The following IQSEC2 variants were observed in gnomAD, a reference collection of about 807,000 sequenced individuals.
IQSEC2 encodes IQ motif and SEC7 domain-containing protein 2.
A neutral mutation model predicts 74.6 loss-of-function variants in IQSEC2; 6 were observed. That is an observed-to-expected ratio of 0.08 (90% CI 0.04 to 0.16). The LOEUF (loss-of-function observed/expected upper bound fraction) is 0.16, where lower values mean the gene tolerates loss of function less well. Ranked by LOEUF, IQSEC2 falls within the 10% of genes least tolerant of loss-of-function variation. The pLI is 1.00. For synonymous variants in IQSEC2, 494 were observed against 544.5 expected, an observed-to-expected ratio of 0.91 and a Z score of 1.29; for missense variants, 734 against 1,306.2, an observed-to-expected ratio of 0.56 and a Z score of 6.75.
At chrX:53,296,877 C>T (rs1177801921) in intron 1 of IQSEC2, among the ~76,000 whole-genome samples, 5 of 111,965 alleles carry the variant, frequency 4.5e-5, no homozygotes, top group Non-Finnish European at 9.4e-5. Flanking sequence ...GCTGTTTTTA[C>T]ACACGACTGT....
chrX:53,246,773 A>C (rs2074314442), intron 8 of IQSEC2, among the ~76,000 whole-genome samples, 196 bp downstream of exon 8: 1 of 111,977 alleles, frequency 8.9e-6, no homozygotes, highest in Non-Finnish European at 1.9e-5. Context: ...GGTACACAGT[A>C]GAAGCTCAGT....
intron 1 of IQSEC2, among the ~76,000 whole-genome samples, chrX:53,319,342 G>A (rs2075406834): frequency 9.0e-6 from 1 of 111,617 alleles, no homozygotes; most frequent in African/African-American, 3.3e-5. Context: ...GAGCTGGAGG[G>A]GTACTTCAAG....
Position 53,253,767 on chromosome X carries a change from G to C in IQSEC2, c.1401+763C>G, listed in dbSNP as rs1023103171. 2.7e-5 allele frequency among the ~76,000 whole-genome samples: 3 copies of C among 111,287 alleles called. No homozygotes were observed. The Admixed American group carries it at 2.9e-4, about 11-fold the overall frequency. On this transcript the variant is annotated intron_variant, in intron 4 of 14. Transcript: ENST00000642864. The stretch of plus-strand genomic sequence containing the variant: ...TTTCCCACTGCCCTGGGATCCTTGA[G>C]GACAAGGACCAATTCCAGGTCCTTA...
chrX:53,253,791 T>C (rs181138958), intron 4 of IQSEC2, among the ~76,000 whole-genome samples: 2 of 111,601 alleles, frequency 1.8e-5, no homozygotes, highest in East Asian at 2.8e-4. Flanking sequence ...TCCAGGTCCT[T>C]AGCCTCAGTC....
Position 53,298,240 on chromosome X carries a change from C to CT in IQSEC2, c.708-6317dup, listed in dbSNP as rs1182891189. 1.2e-3 allele frequency among the ~76,000 whole-genome samples: 126 copies of CT among 103,072 alleles called. 1 individual carries two copies. Among genetic ancestry groups the CT allele is most frequent in the African/African-American group, 3.6e-3 (103 of 28,603 alleles). 89.5% of individuals were successfully genotyped at this position (103,072 alleles called of 115,157 possible). The stretch of plus-strand genomic sequence containing the variant: ...GATTCCGTGGCTTTTTTTTTCCTTT[C>CT]TTTTTTTTTTTAGAGTTTATGCTCA... On this transcript the variant is annotated intron_variant, in intron 1 of 14. Transcript: ENST00000642864.
chrX:53,274,602 C>T (rs1395071336), intron 2 of IQSEC2, among the ~76,000 whole-genome samples: 5 of 107,255 alleles, frequency 4.7e-5, no homozygotes, highest in Non-Finnish European at 9.6e-5. Flanking sequence ...GCTGGGACTA[C>T]ACGCGCCCGC....
chrX:53,257,695 T>C (rs782554722), intron 2 of IQSEC2, among the ~76,000 whole-genome samples: 2 of 112,339 alleles, frequency 1.8e-5, no homozygotes, highest in African/African-American at 6.5e-5. Context: ...CCAAGTCCCT[T>C]ATTCTGGCAT....
At chrX:53,316,841 A>G (rs868994604) in intron 1 of IQSEC2, among the ~76,000 whole-genome samples, 1 of 109,573 alleles carries the variant, frequency 9.1e-6, no homozygotes, top group African/African-American at 3.4e-5. Flanking sequence ...CAAAAAAAAA[A>G]AAAAAAGAAA....
intron 14 of IQSEC2, 54 bp from the exon 15 acceptor site, chrX:53,235,238 C>A (rs1433816129): frequency 1.7e-6 from 2 of 1,155,364 alleles, no homozygotes; most frequent in East Asian, 6.5e-5. Flanking sequence ...AAACCCCCAG[C>A]CCTAAATTCC....
Position 53,258,102 on chromosome X carries a change from C to T in IQSEC2, c.738-2041G>A, listed in dbSNP as rs150911692. ...AAAACTGCTCATACAGTACCTACCACTTGAAATGCAATCCCCATCGTCTCC... is the reference window on the plus strand; with the variant it reads ...AAAACTGCTCATACAGTACCTACCATTTGAAATGCAATCCCCATCGTCTCC... On this transcript the variant is annotated intron_variant, in intron 2 of 14. Transcript: ENST00000642864. 2.4e-3 allele frequency among the ~76,000 whole-genome samples: 268 copies of T among 111,810 alleles called. 5 individuals are homozygous for T. In the East Asian group the frequency reaches 0.065, roughly 27 times the overall value.
chrX:53,292,773 G>A (rs1344721298), intron 1 of IQSEC2, among the ~76,000 whole-genome samples: 2 of 111,683 alleles, frequency 1.8e-5, no homozygotes, highest in East Asian at 2.9e-4. Context: ...GTGCACACAC[G>A]TGTGTACACG....
chrX:53,236,661 C>A (rs2074135476), intron 12 of IQSEC2, among the ~76,000 whole-genome samples, 166 bp from the exon 13 acceptor site: 1 of 110,951 alleles, frequency 9.0e-6, no homozygotes, highest in South Asian at 3.9e-4. Flanking sequence ...CTTGTCTCCC[C>A]CAAAACTGCA....
chrX:53,296,325 G>A (rs1174755822), intron 1 of IQSEC2, among the ~76,000 whole-genome samples: 2 of 110,697 alleles, frequency 1.8e-5, no homozygotes, highest in Admixed American at 9.6e-5. Flanking sequence ...GTGAGCCACC[G>A]CGCCTGGCCC....
chrX:53,268,570 C>T (rs367596192), intron 2 of IQSEC2, among the ~76,000 whole-genome samples: 3 of 111,498 alleles, frequency 2.7e-5, no homozygotes, highest in East Asian at 5.6e-4. Context: ...CCAGGCGAGG[C>T]CCCTGCTTCC....
chrX:53,286,939 CAAAAAAAA>C (rs11464309), intron 2 of IQSEC2, among the ~76,000 whole-genome samples: 5 of 58,479 alleles, frequency 8.6e-5, no homozygotes, highest in African/African-American at 3.1e-4. Flanking sequence ...GTATCCGGCT[CAAAAAAAA>C]AAAAAAAAAA....
intron 1 of IQSEC2, among the ~76,000 whole-genome samples, chrX:53,299,258 T>C (rs2075186273): frequency 9.0e-6 from 1 of 111,152 alleles, no homozygotes; most frequent in Non-Finnish European, 1.9e-5. Flanking sequence ...ATACCTAATC[T>C]TAAGGGTTCT....
intron 3 of IQSEC2, 56 bp from the exon 4 acceptor site, chrX:53,254,987 C>G: frequency 8.9e-7 from 1 of 1,127,069 alleles, no homozygotes; most frequent in Non-Finnish European, 1.2e-6. Context: ...GCCTCATCTC[C>G]CTAGGCACTC....
chrX:53,267,861 A>G (rs1194033244), intron 2 of IQSEC2, among the ~76,000 whole-genome samples: 1 of 112,053 alleles, frequency 8.9e-6, no homozygotes. Context: ...ACTAGAACAT[A>G]TATCAAGTGT....
chrX:53,306,387 C>T (rs377144184), intron 1 of IQSEC2, among the ~76,000 whole-genome samples: 13 of 111,247 alleles, frequency 1.2e-4, no homozygotes, highest in Admixed American at 1.1e-3. Flanking sequence ...CCCAGGTGTC[C>T]GGTTCCTCGG....
Sources: gnomAD v4.1 joint callset for allele counts (sites outside exome capture counted in the v4.1 genomes callset) on GRCh38, gnomAD v4.1.1 for gene constraint, MANE v1.5 for transcripts, NCBI Gene and HGNC (gene_info 2026-07-23, HGNC 2026-07-21) for gene names.